Variants in SLC24A3 observed in about 807,000 individuals in gnomAD.
SLC24A3 encodes solute carrier family 24 member 3.
A neutral mutation model predicts 75.8 loss-of-function variants in SLC24A3; 28 were observed. The observed-to-expected ratio is 0.37, with a 90% confidence interval of 0.27 to 0.51. The LOEUF is 0.51. Among genes scored for constraint, SLC24A3 ranks in the 20% least tolerant of loss-of-function variants. SLC24A3 has a pLI of 0.94. For missense variants in SLC24A3, 663 were observed against 847.8 expected (o/e 0.78, Z 2.71); for synonymous variants, 372 against 334.1 (o/e 1.11, Z -1.24).
At chr20:19,632,407 CACCT>C (rs774569081) in intron 6 of SLC24A3, among the ~76,000 whole-genome samples, 17 of 152,272 alleles carry the variant, frequency 1.1e-4, no homozygotes, top group South Asian at 1.0e-3. Context: ...TTCTAGCGGC[CACCT>C]ACCTTCCTTG....
chr20:19,367,614 G>A (rs138556543), intron 2 of SLC24A3, among the ~76,000 whole-genome samples: 60 of 152,218 alleles, frequency 3.9e-4, no homozygotes, highest in African/African-American at 1.3e-3. Context: ...TCTCAGACTA[G>A]CTGTGGTCTC....
chr20:19,312,177 T>C (rs1984473457), intron 2 of SLC24A3, among the ~76,000 whole-genome samples: 1 of 152,160 alleles, frequency 6.6e-6, no homozygotes, highest in East Asian at 1.9e-4. Flanking sequence ...GATCCCAGCA[T>C]TGGAAGAGTT....
At position 19,684,169 on chromosome 20, in the gene SLC24A3, T is replaced by A. The variant is rs369651692; in HGVS notation, c.902-7T>A. On this transcript the variant is annotated splice_polypyrimidine_tract_variant and splice_region_variant and intron_variant, in intron 10 of 16. Coordinates refer to ENST00000328041, the MANE Select transcript of SLC24A3 (RefSeq NM_020689.4). ...GTTATTTTACCTTATGTTTTTCGTT[T>A]CCCTAGCAAATTTCCACCGCAAAGC... is the stretch of plus-strand genomic sequence containing the variant. 7 of 1,610,974 alleles carry A rather than the reference T, an allele frequency of 4.3e-6. No homozygotes were observed. In the African/African-American group the frequency reaches 9.4e-5, roughly 22 times the overall value.
intron 2 of SLC24A3, among the ~76,000 whole-genome samples, chr20:19,325,819 GA>G (rs1984844200): frequency 8.8e-6 from 1 of 113,142 alleles, no homozygotes; most frequent in Non-Finnish European, 1.7e-5. Context: ...GAGAGAGAGA[GA>G]GAGAGAGAGA....
intron 6 of SLC24A3, among the ~76,000 whole-genome samples, chr20:19,618,991 A>G (rs1459505880): frequency 6.6e-6 from 1 of 152,226 alleles, no homozygotes; most frequent in Non-Finnish European, 1.5e-5. Flanking sequence ...AGGGCAGCCC[A>G]GAGCTCCAGC....
intron 2 of SLC24A3, among the ~76,000 whole-genome samples, chr20:19,364,183 A>G (rs1985844162): frequency 1.3e-5 from 2 of 152,292 alleles, no homozygotes; most frequent in East Asian, 1.9e-4. Context: ...AGTTACCTGC[A>G]GATCACCAAC....
intron 12 of SLC24A3, among the ~76,000 whole-genome samples, chr20:19,689,999 C>G (rs2032726817): frequency 7.4e-6 from 1 of 135,058 alleles, no homozygotes; most frequent in Non-Finnish European, 1.5e-5. Flanking sequence ...CCACTGCACT[C>G]CAGCCTGGAC....
At chr20:19,447,490 T>A (rs1987406624) in intron 2 of SLC24A3, among the ~76,000 whole-genome samples, 1 of 152,106 alleles carries the variant, frequency 6.6e-6, no homozygotes, top group Non-Finnish European at 1.5e-5. Context: ...GGTGCAGTTA[T>A]GGGAGGCAAA....
intron 2 of SLC24A3, among the ~76,000 whole-genome samples, chr20:19,423,308 C>T (rs1011798728): frequency 1.3e-5 from 2 of 152,174 alleles, no homozygotes; most frequent in African/African-American, 2.4e-5. Flanking sequence ...CCTGCTTTCC[C>T]GCTCAGCCCC....
intron 2 of SLC24A3, among the ~76,000 whole-genome samples, chr20:19,387,229 CTTTCTTT>C (rs1461152489): frequency 6.6e-6 from 1 of 151,862 alleles, no homozygotes; most frequent in African/African-American, 2.4e-5. Context: ...TTTGAATCTT[CTTTCTTT>C]TTTCTTTAGT....
chr20:19,334,727 G>A (rs940427947), intron 2 of SLC24A3, among the ~76,000 whole-genome samples: 1 of 152,176 alleles, frequency 6.6e-6, no homozygotes, highest in African/African-American at 2.4e-5. Flanking sequence ...ACCTCTGGGA[G>A]CCTCTGTAGG....
chr20:19,220,164 G>A (rs1029683112), intron 1 of SLC24A3, among the ~76,000 whole-genome samples: 4 of 152,178 alleles, frequency 2.6e-5, no homozygotes, highest in African/African-American at 7.2e-5. Context: ...TCCTGGAACT[G>A]TCTGAACCAA....
intron 3 of SLC24A3, among the ~76,000 whole-genome samples, chr20:19,523,606 G>T (rs2030143394): frequency 6.6e-6 from 1 of 152,182 alleles, no homozygotes; most frequent in Non-Finnish European, 1.5e-5. Context: ...ACCTGAGCTG[G>T]ATATAAAGCA....
At chr20:19,351,997 T>C (rs527371394) in intron 2 of SLC24A3, among the ~76,000 whole-genome samples, 1 of 151,882 alleles carries the variant, frequency 6.6e-6, no homozygotes, top group African/African-American at 2.4e-5. Context: ...GCCTGTGTTT[T>C]ATTGAGGGAG....
At chr20:19,558,540 C>A (rs1269071718) in intron 3 of SLC24A3, among the ~76,000 whole-genome samples, 3 of 152,294 alleles carry the variant, frequency 2.0e-5, no homozygotes, top group Middle Eastern at 3.4e-3. Flanking sequence ...TGGTTGTTGT[C>A]TCTTTAGTAG....
At chr20:19,227,026 A>G (rs1422605370) in intron 1 of SLC24A3, among the ~76,000 whole-genome samples, 2 of 152,226 alleles carry the variant, frequency 1.3e-5, no homozygotes, top group Admixed American at 6.5e-5. Flanking sequence ...AGGCATGCCC[A>G]TCGTAAAGGC....
intron 6 of SLC24A3, among the ~76,000 whole-genome samples, chr20:19,622,441 T>G (rs1176277553): frequency 6.6e-6 from 1 of 152,094 alleles, no homozygotes; most frequent in Non-Finnish European, 1.5e-5. Context: ...ATCAAACTAG[T>G]GCTATAATTC....
chr20:19,218,694 C>CT lies in SLC24A3; in HGVS notation c.142+5723dup, dbSNP rs112564502. 5.9e-3 allele frequency among the ~76,000 whole-genome samples: 853 copies of CT among 143,798 alleles called. 8 individuals carry two copies. The highest frequency in any genetic ancestry group is 0.018 in the African/African-American group (682 of 38,322). 94.3% of individuals were successfully genotyped at this position (143,798 alleles called of 152,430 possible). Reference sequence around the variant, plus strand: ...GCAAGCCTCAAATCCTTGTGGGAAGCTTTTTTTTTTTTTCTTCACCCTGGA... The same window carrying CT: ...GCAAGCCTCAAATCCTTGTGGGAAGCTTTTTTTTTTTTTTCTTCACCCTGGA... On this transcript the variant is annotated intron_variant, in intron 1 of 16. Coordinates refer to ENST00000328041, the MANE Select transcript of SLC24A3 (RefSeq NM_020689.4).
At chr20:19,449,910 A>T (rs1987452791) in intron 2 of SLC24A3, among the ~76,000 whole-genome samples, 1 of 152,168 alleles carries the variant, frequency 6.6e-6, no homozygotes, top group South Asian at 2.1e-4. Context: ...AGGGGAAATA[A>T]ATACCTTTCT....
Sources: gnomAD v4.1 joint callset for allele counts (sites outside exome capture counted in the v4.1 genomes callset) on GRCh38, gnomAD v4.1.1 for gene constraint, MANE v1.5 for transcripts, NCBI Gene and HGNC (gene_info 2026-07-23, HGNC 2026-07-21) for gene names.